ITPR2: variants seen among roughly 807,000 people sequenced by gnomAD.
ITPR2 encodes the protein inositol 1,4,5-trisphosphate receptor type 2, also known as inositol 1,4,5-trisphosphate-gated calcium channel ITPR2.
Under a neutral mutation model 317.1 loss-of-function variants are expected in ITPR2, and 207 were observed. The ratio of observed to expected loss-of-function variants is 0.65; its 90% CI spans 0.58 to 0.73. ITPR2 has a LOEUF of 0.73. Ranked by LOEUF, ITPR2 falls within the 30% of genes least tolerant of loss-of-function variation. The probability of loss-of-function intolerance (pLI) is 0.00; values close to 1 mark genes in which losing one functional copy is unlikely to be tolerated. For missense variants in ITPR2, 2,613 were observed against 3,284.0 expected, an observed-to-expected ratio of 0.80 and a Z score of 4.99; for synonymous variants, 1,156 against 1,149.1, an observed-to-expected ratio of 1.01 and a Z score of -0.12.
chr12:26,498,777 G>A (rs897158516), intron 37 of ITPR2, among the ~76,000 whole-genome samples: 4 of 152,172 alleles, frequency 2.6e-5, no homozygotes, highest in Non-Finnish European at 5.9e-5. Flanking sequence ...TTGTGAAGAG[G>A]ACTGAACCCT....
chr12:26,530,497 T>C (rs904659326), intron 37 of ITPR2, among the ~76,000 whole-genome samples: 12 of 152,208 alleles, frequency 7.9e-5, no homozygotes, highest in African/African-American at 2.7e-4. Context: ...TGGTCAGAAG[T>C]AAATGTAGGA....
At chr12:26,408,920 G>T (rs924940160) in intron 52 of ITPR2, among the ~76,000 whole-genome samples, 1 of 151,978 alleles carries the variant, frequency 6.6e-6, no homozygotes, top group Non-Finnish European at 1.5e-5. Flanking sequence ...TGTTAAGGGG[G>T]GAAATGTTGA....
At chr12:26,629,924 T>C (rs1946710040) in intron 22 of ITPR2, among the ~76,000 whole-genome samples, 1 of 152,200 alleles carries the variant, frequency 6.6e-6, no homozygotes, top group African/African-American at 2.4e-5. Flanking sequence ...CAATCCTGCC[T>C]TTGAAGAACT....
At chr12:26,555,803 T>C (rs1476607763) in intron 36 of ITPR2, among the ~76,000 whole-genome samples, 2 of 152,188 alleles carry the variant, frequency 1.3e-5, no homozygotes, top group Non-Finnish European at 2.9e-5. Context: ...TCTGGGTGTT[T>C]ATGCAGATTA....
chr12:26,616,238 C>T (rs953717683), intron 26 of ITPR2, among the ~76,000 whole-genome samples: 6 of 151,934 alleles, frequency 3.9e-5, no homozygotes, highest in Non-Finnish European at 7.4e-5. Context: ...CCCGGGTTCA[C>T]GCCATTCTCC....
At chr12:26,500,717 C>G (rs1943052565) in intron 37 of ITPR2, among the ~76,000 whole-genome samples, 1 of 152,198 alleles carries the variant, frequency 6.6e-6, no homozygotes, top group African/African-American at 2.4e-5. Context: ...CACCCACTCC[C>G]TGTTACACCG....
intron 13 of ITPR2, among the ~76,000 whole-genome samples, chr12:26,675,308 CAAT>C (rs1456466756): frequency 6.6e-6 from 1 of 152,168 alleles, no homozygotes; most frequent in Admixed American, 6.5e-5. Context: ...AAATGTCCAA[CAAT>C]GATAGACTGG....
intron 13 of ITPR2, among the ~76,000 whole-genome samples, chr12:26,677,494 G>A (rs1158500820): frequency 6.6e-6 from 1 of 151,972 alleles, no homozygotes; most frequent in African/African-American, 2.4e-5. Context: ...CAGCTACTCG[G>A]GAGTCTGAGG....
At chr12:26,464,113 A>C (rs1186374562) in intron 45 of ITPR2, among the ~76,000 whole-genome samples, 3 of 152,120 alleles carry the variant, frequency 2.0e-5, no homozygotes, top group Admixed American at 2.0e-4. Flanking sequence ...AGCAGTCCCC[A>C]ACCTTTTTGG....
intron 56 of ITPR2, 21 bp from the exon 57 acceptor site, chr12:26,339,504 T>C (rs745598283): frequency 1.9e-6 from 3 of 1,605,184 alleles, no homozygotes; most frequent in South Asian, 2.2e-5. Flanking sequence ...AGAGAGAGTG[T>C]GTGTTCAGCG....
chr12:26,623,943 C>T (rs769036381), intron 24 of ITPR2, among the ~76,000 whole-genome samples: 1 of 152,056 alleles, frequency 6.6e-6, no homozygotes, highest in Non-Finnish European at 1.5e-5. Context: ...TTTCTTGCCT[C>T]AAATATCTAA....
intron 24 of ITPR2, among the ~76,000 whole-genome samples, chr12:26,622,774 T>C (rs1173111900): frequency 2.0e-5 from 3 of 152,170 alleles, no homozygotes; most frequent in Admixed American, 2.0e-4. Flanking sequence ...TGATTTCCCC[T>C]GGGGCCCTAC....
intron 20 of ITPR2, 143 bp downstream of exon 20, chr12:26,655,565 G>A: frequency 3.4e-6 from 2 of 584,002 alleles, no homozygotes; most frequent in Non-Finnish European, 5.6e-6. Flanking sequence ...AGTGAGCCGA[G>A]ATCATGCCAC....
rs1555188509 is a variant in ITPR2, at chr12:26,768,591, A to AAAAC, written c.163+21565_163+21566insGTTT. Among the ~76,000 whole-genome samples the AAAAC allele has an allele frequency of 7.0e-3, 977 of 140,206 alleles. 35 individuals carry two copies. The highest frequency in any genetic ancestry group is 0.026 in the African/African-American group (941 of 36,642). 92.0% of individuals were successfully genotyped at this position (140,206 alleles called of 152,430 possible). A position where few individuals can be genotyped will look rare whatever the true frequency, so the allele number is the denominator to read the frequency against. On this transcript the variant is annotated intron_variant, in intron 2 of 56. Coordinates refer to ENST00000381340, the MANE Select transcript of ITPR2 (RefSeq NM_002223.4). ...ATATATAAAAAAAAAAAAAAAAAAA[A>AAAAC]AAAAAACCTCCTGTTTCCTGACTGT...
chr12:26,690,274 T>C (rs571914334), intron 10 of ITPR2, among the ~76,000 whole-genome samples: 1 of 152,342 alleles, frequency 6.6e-6, no homozygotes, highest in East Asian at 1.9e-4. Context: ...TAAAGGCTTA[T>C]TAACAGAAGA....
At chr12:26,363,233 T>C (rs1938895975) in intron 55 of ITPR2, among the ~76,000 whole-genome samples, 1 of 152,258 alleles carries the variant, frequency 6.6e-6, no homozygotes, top group Non-Finnish European at 1.5e-5. Context: ...ATCTAGGTTA[T>C]ATGCTCCTTT....
chr12:26,466,828 C>G (rs940892200), intron 45 of ITPR2, among the ~76,000 whole-genome samples: 1 of 152,126 alleles, frequency 6.6e-6, no homozygotes, highest in Non-Finnish European at 1.5e-5. Context: ...AACATTCTAG[C>G]CAACATATTA....
intron 2 of ITPR2, among the ~76,000 whole-genome samples, chr12:26,759,994 A>G (rs970176953): frequency 1.3e-5 from 2 of 152,214 alleles, no homozygotes; most frequent in African/African-American, 4.8e-5. Context: ...ACCAAAATCT[A>G]CAGAAGCTCA....
intron 37 of ITPR2, among the ~76,000 whole-genome samples, chr12:26,510,788 C>T (rs986487763): frequency 6.6e-6 from 1 of 152,214 alleles, no homozygotes; most frequent in Non-Finnish European, 1.5e-5. Context: ...GTGCTCATAG[C>T]AAACTAACAC....
Sources: allele counts gnomAD v4.1 joint callset (sites outside exome capture counted in the v4.1 genomes callset), GRCh38; gene constraint gnomAD v4.1.1; transcripts MANE v1.5; gene names NCBI Gene and HGNC (gene_info 2026-07-23, HGNC 2026-07-21).